FAXDC2: variants seen among roughly 807,000 people sequenced by gnomAD.
The protein encoded by FAXDC2 is fatty acid hydroxylase domain-containing protein 2.
Under a neutral mutation model 40.9 loss-of-function variants are expected in FAXDC2, and 41 were observed. That is an observed-to-expected ratio of 1.00 (90% CI 0.78 to 1.30). The LOEUF (loss-of-function observed/expected upper bound fraction) is 1.30. Among genes scored for constraint, FAXDC2 ranks in the 50% most tolerant of loss-of-function variants. The pLI is 0.00. For synonymous variants in FAXDC2, 157 were observed against 149.3 expected (o/e 1.05, Z -0.38); for missense variants, 390 against 408.8 (o/e 0.95, Z 0.40).
At chr5:154,836,155 C>G (rs372115998) in intron 2 of FAXDC2, 16 of 152,300 alleles carry the variant, frequency 1.1e-4, no homozygotes, top group African/African-American at 3.6e-4. Flanking sequence ...GCCCCATCCT[C>G]CCAAAGTGCT....
At position 154,830,810 on chromosome 5, in the gene FAXDC2, C is replaced by T. The variant is rs750896323; in HGVS notation, c.357G>A (p.Lys119=). Residue 119 remains lysine (K), a synonymous_variant, in exon 5 of 9, where the codon AAG becomes AAA. Coordinates refer to ENST00000326080, the MANE Select transcript of FAXDC2 (RefSeq NM_032385.5). ...FISRYRIQVG[K]NEPVDPVKLR... ...TTGCAACAACACTTACAGGTTCATT[C>T]TTGCCGACCTGAATTCGGTAGCGAG... 1 of 1,614,098 alleles carries T rather than the reference C, an allele frequency of 6.2e-7. No individual in the cohort carries two copies. Among genetic ancestry groups the T allele is most frequent in the Admixed American group, 1.7e-5 (1 of 60,018 alleles).
intron 1 of FAXDC2, among the ~76,000 whole-genome samples, chr5:154,842,177 T>G (rs1760490024): frequency 6.6e-6 from 1 of 151,634 alleles, no homozygotes; most frequent in Non-Finnish European, 1.5e-5. Context: ...CCCTTGTTGT[T>G]TGTTTGTGTG....
chr5:154,822,210 A>G, intron 7 of FAXDC2: 1 of 395,244 alleles, frequency 2.5e-6, no homozygotes, highest in South Asian at 3.2e-5. Flanking sequence ...GTGAGCTATG[A>G]TCACACCACT....
chr5:154,820,990 C>T, intron 8 of FAXDC2: 1 of 400,658 alleles, frequency 2.5e-6, no homozygotes, highest in Non-Finnish European at 4.6e-6. Flanking sequence ...GAGTTTTATG[C>T]ATATATGTAC....
At chr5:154,832,464 G>T (rs1201834101) in intron 4 of FAXDC2, among the ~76,000 whole-genome samples, 1 of 152,088 alleles carries the variant, frequency 6.6e-6, no homozygotes, top group East Asian at 1.9e-4. Flanking sequence ...GCCTCCCAAA[G>T]TGCTGGGATT....
chr5:154,844,719 A>G (rs1448223770), intron 1 of FAXDC2, among the ~76,000 whole-genome samples: 2 of 152,222 alleles, frequency 1.3e-5, no homozygotes, highest in Admixed American at 1.3e-4. Flanking sequence ...ATAAATAAAC[A>G]GAATCAGATA....
At chr5:154,839,938 C>T (rs28507343) in intron 1 of FAXDC2, among the ~76,000 whole-genome samples, 5 of 152,090 alleles carry the variant, frequency 3.3e-5, no homozygotes, top group African/African-American at 1.2e-4. Flanking sequence ...ACATGTTATC[C>T]CACTGGCCAT....
chr5:154,820,382 A>G lies in FAXDC2; in HGVS notation c.936T>C (p.His312=), dbSNP rs1258065322. 1 of 1,613,112 alleles carries G rather than the reference A, an allele frequency of 6.2e-7. No homozygotes were observed. The highest frequency in any genetic ancestry group is 1.7e-5 in the Admixed American group (1 of 59,950). The change falls in exon 9 of 9, where the codon CAT becomes CAC. Residue 312 remains histidine (H), a synonymous_variant. Transcript: ENST00000326080. ...MFKQTKAYER[H]VLLLGFTPLS... is the part of the protein sequence containing the mutation. The stretch of plus-strand genomic sequence containing the variant: ...GCGGGGTGAAGCCCAGCAGGAGGAC[A>G]TGTCTCTCGTAGGCCTTGGTCTGCT...
Position 154,821,421 on chromosome 5 carries a change from G to A in FAXDC2, c.684C>T (p.Ser228=), listed in dbSNP as rs752622206. 1.9e-6 allele frequency: 3 copies of A among 1,611,102 alleles called. No individual in the cohort carries two copies. Among genetic ancestry groups the A allele is most frequent in the Non-Finnish European group, 8.5e-7 (1 of 1,178,770 alleles). Residue 228 remains serine (S), a synonymous_variant, in exon 8 of 9, where the codon TCC becomes TCT. Coordinates refer to ENST00000326080, the MANE Select transcript of FAXDC2 (RefSeq NM_032385.5). ...LYAHPIEHAV[S]NMLPVIVGPL... ...GGCCCACTATCACCGGTAGCATGTT[G>A]GAGACCTGCAAGAGGAGGGATGATT...
intron 4 of FAXDC2, among the ~76,000 whole-genome samples, chr5:154,833,400 C>T (rs1760241638): frequency 6.7e-6 from 1 of 150,224 alleles, no homozygotes; most frequent in African/African-American, 2.5e-5. Context: ...GGCTGGAGTG[C>T]AGTGGCACCA....
chr5:154,824,251 A>AT, intron 5 of FAXDC2: 1 of 551,222 alleles, frequency 1.8e-6, no homozygotes, highest in Non-Finnish European at 3.2e-6. Flanking sequence ...ACTGCAGCCA[A>AT]TATTTCCCCC....
intron 5 of FAXDC2, among the ~76,000 whole-genome samples, chr5:154,826,214 A>G (rs967621437): frequency 2.0e-5 from 3 of 152,124 alleles, no homozygotes; most frequent in Admixed American, 2.0e-4. Context: ...GGAAAGGGAC[A>G]GTGAAAAAGT....
chr5:154,818,644 C>G lies in FAXDC2; in HGVS notation c.*1672G>C, dbSNP rs1323356574. ...GGGCCCTTCTGCCAAGGACTGATAA[C>G]CTGCCTGCCAAAAGGAAGAGGGAAT... On this transcript the variant is annotated 3_prime_UTR_variant, in exon 9 of 9. Coordinates refer to ENST00000326080, the MANE Select transcript of FAXDC2 (RefSeq NM_032385.5). The G allele has an allele frequency of 6.6e-6, 1 of 152,170 alleles. No individual in the cohort carries two copies. The highest frequency in any genetic ancestry group is 1.5e-5 in the Non-Finnish European group (1 of 68,026). The allele number at this position is 152,170 out of a possible 1,614,324, so 9.4% of individuals were successfully genotyped here. A position where few individuals can be genotyped will look rare whatever the true frequency, so the allele number is the denominator to read the frequency against.
At chr5:154,827,849 G>GT (rs989890747) in intron 5 of FAXDC2, among the ~76,000 whole-genome samples, 11 of 151,340 alleles carry the variant, frequency 7.3e-5, no homozygotes, top group South Asian at 4.2e-4. Flanking sequence ...CACCTGGCCT[G>GT]TTTTTTTTCC....
intron 4 of FAXDC2, among the ~76,000 whole-genome samples, chr5:154,832,159 T>C (rs1359719756): frequency 1.3e-5 from 2 of 152,194 alleles, no homozygotes; most frequent in African/African-American, 4.8e-5. Flanking sequence ...TCACACTTTC[T>C]ATGCTTATTT....
intron 8 of FAXDC2, 130 bp from the exon 9 acceptor site, chr5:154,820,602 T>G (rs1759860794): frequency 8.8e-6 from 6 of 685,216 alleles, no homozygotes; most frequent in Non-Finnish European, 1.4e-5. Flanking sequence ...CCTGACCATC[T>G]GCATCAGAAT....
At position 154,822,491 on chromosome 5, in the gene FAXDC2, G is replaced by T. The variant is rs1196905054; in HGVS notation, c.659C>A (p.Ala220Asp). Residue 220 changes from alanine (A) to aspartate (D), a missense_variant, in exon 7 of 9, where the codon GCC (alanine) becomes GAC (aspartate). Transcript: ENST00000326080. ...TAPIGVISLY[A>D]HPIEHAVSNM... ...ACTCACTGCATGCTCTATAGGGTGG[G>T]CATAGAGAGAGATCACGCCAATGGG... The T allele has an allele frequency of 3.7e-6, 6 of 1,612,080 alleles. No homozygotes were observed. Among genetic ancestry groups the T allele is most frequent in the South Asian group, 2.2e-5 (2 of 91,042 alleles).
intron 1 of FAXDC2, among the ~76,000 whole-genome samples, chr5:154,843,969 AG>A (rs991637243): frequency 2.6e-5 from 4 of 152,322 alleles, no homozygotes; most frequent in African/African-American, 2.4e-5. Flanking sequence ...CTGTAATCCC[AG>A]CACTTTGGGA....
At chr5:154,848,340 C>G (rs1299117815) in intron 1 of FAXDC2, among the ~76,000 whole-genome samples, 2 of 152,210 alleles carry the variant, frequency 1.3e-5, no homozygotes, top group African/African-American at 4.8e-5. Flanking sequence ...GCTCCAAACT[C>G]CACATGGTTT....
Sources: gnomAD v4.1 joint callset for allele counts (sites outside exome capture counted in the v4.1 genomes callset) on GRCh38, gnomAD v4.1.1 for gene constraint, MANE v1.5 for transcripts, NCBI Gene and HGNC (gene_info 2026-07-23, HGNC 2026-07-21) for gene names.